The following WDR25 variants were observed in gnomAD, a reference collection of about 807,000 sequenced individuals.
WDR25 encodes the protein WD repeat domain 25.
In WDR25, 35 loss-of-function variants were observed where a neutral mutation model predicts 47.7. The observed-to-expected ratio is 0.73, with a 90% CI of 0.56 to 0.97. The LOEUF is 0.97. WDR25 is among the 50% of genes least tolerant of loss of function. The pLI is 0.00. For synonymous variants in WDR25, 248 were observed against 278.9 expected, an observed-to-expected ratio of 0.89 and a Z score of 1.10; for missense variants, 634 against 704.7, an observed-to-expected ratio of 0.90 and a Z score of 1.14.
chr14:100,510,671 G>C (rs1220049261), intron 4 of WDR25, among the ~76,000 whole-genome samples: 1 of 151,852 alleles, frequency 6.6e-6, no homozygotes, highest in Non-Finnish European at 1.5e-5. Context: ...GGGAGCCGGA[G>C]GTTGCAGTGA....
chr14:100,501,175 G>C (rs563341014), intron 4 of WDR25, among the ~76,000 whole-genome samples: 1 of 152,160 alleles, frequency 6.6e-6, no homozygotes, highest in South Asian at 2.1e-4. Flanking sequence ...CACTTCACCT[G>C]TCTGACCTCA....
At chr14:100,412,166 C>T (rs1365914222) in intron 2 of WDR25, among the ~76,000 whole-genome samples, 1 of 143,158 alleles carries the variant, frequency 7.0e-6, no homozygotes, top group Admixed American at 7.1e-5. Flanking sequence ...TTGATTTTGC[C>T]ATCGCACTCC....
chr14:100,522,843 C>A (rs1477593572), intron 4 of WDR25, among the ~76,000 whole-genome samples: 3 of 152,218 alleles, frequency 2.0e-5, no homozygotes, highest in Non-Finnish European at 4.4e-5. Flanking sequence ...CATCCAAGGG[C>A]CAGGAGAGGC....
chr14:100,433,951 C>G (rs905035342), intron 2 of WDR25, among the ~76,000 whole-genome samples: 4 of 151,890 alleles, frequency 2.6e-5, no homozygotes, highest in African/African-American at 7.3e-5. Context: ...TTTGGCCAGG[C>G]ATAGTGGCTC....
At position 100,376,579 on chromosome 14, in the gene WDR25, C is replaced by G. The variant is rs564144777; in HGVS notation, c.-16+84C>G. 65 of 1,231,862 alleles carry G rather than the reference C, an allele frequency of 5.3e-5. No homozygotes were observed. In the East Asian group the frequency reaches 1.9e-3, roughly 36 times the overall value. The allele number at this position is 1,231,862 out of a possible 1,614,324, so 76.3% of individuals were successfully genotyped here. On this transcript the variant is annotated intron_variant, in intron 1 of 6. Transcript: ENST00000402312. ...AGCGCCCCGTGCCGCTTAACGCGGT[C>G]TCTCATAGCCGCTCGCCTTCCTTTC...
intron 4 of WDR25, among the ~76,000 whole-genome samples, chr14:100,501,659 G>A (rs1900928320): frequency 6.6e-6 from 1 of 152,180 alleles, no homozygotes; most frequent in South Asian, 2.1e-4. Context: ...TGGGAACTTA[G>A]GAGCTGTCAC....
chr14:100,526,955 A>C, intron 5 of WDR25, among the ~76,000 whole-genome samples: 1 of 6 alleles, frequency 0.17, no homozygotes, highest in African/African-American at 0.5. Flanking sequence ...CATCTCTATC[A>C]CCACCACCAT....
chr14:100,508,522 A>C (rs909078010), intron 4 of WDR25, among the ~76,000 whole-genome samples: 1 of 152,210 alleles, frequency 6.6e-6, no homozygotes, highest in African/African-American at 2.4e-5. Flanking sequence ...TTCCTAGATT[A>C]CTTAGAAATT....
chr14:100,383,725 A>G (rs1234039906), intron 2 of WDR25, among the ~76,000 whole-genome samples: 1 of 152,258 alleles, frequency 6.6e-6, no homozygotes, highest in Non-Finnish European at 1.5e-5. Flanking sequence ...GCACCTGAGT[A>G]GAGGCATTGA....
intron 2 of WDR25, among the ~76,000 whole-genome samples, chr14:100,400,199 A>G: frequency 6.6e-6 from 1 of 152,344 alleles, no homozygotes; most frequent in East Asian, 1.9e-4. Flanking sequence ...GAGCTGGGGC[A>G]TGTGTGTCCT....
chr14:100,414,489 T>A (rs1160332336), intron 2 of WDR25, among the ~76,000 whole-genome samples: 1 of 151,418 alleles, frequency 6.6e-6, no homozygotes, highest in Non-Finnish European at 1.5e-5. Flanking sequence ...ATTTTTGTAT[T>A]TTTAGTAGAG....
chr14:100,414,313 CTTTTTTTT>C (rs1202018412), intron 2 of WDR25, among the ~76,000 whole-genome samples: 5 of 102,868 alleles, frequency 4.9e-5, no homozygotes, highest in African/African-American at 1.9e-4. Context: ...AGAGGTAGTT[CTTTTTTTT>C]TTTTTTTTTT....
intron 2 of WDR25, among the ~76,000 whole-genome samples, chr14:100,435,073 C>T (rs1171335397): frequency 6.6e-6 from 1 of 152,146 alleles, no homozygotes; most frequent in African/African-American, 2.4e-5. Context: ...CCCCACCAGG[C>T]GTTGTGTCTT....
chr14:100,432,244 A>T (rs531034896), intron 2 of WDR25, among the ~76,000 whole-genome samples: 1 of 152,370 alleles, frequency 6.6e-6, no homozygotes, highest in South Asian at 2.1e-4. Flanking sequence ...GAAAATAAAC[A>T]AAATGAAAGG....
chr14:100,382,056 C>G, intron 2 of WDR25: 1 of 702,914 alleles, frequency 1.4e-6, no homozygotes, highest in Non-Finnish European at 2.6e-6. Context: ...GGACCAAGCC[C>G]TGGGGACTGG....
intron 4 of WDR25, among the ~76,000 whole-genome samples, chr14:100,490,739 A>G (rs745687915): frequency 6.6e-6 from 1 of 151,760 alleles, no homozygotes; most frequent in Non-Finnish European, 1.5e-5. Context: ...TGAGATTTGC[A>G]CTCCTGTGAT....
At chr14:100,431,422 CCTT>C (rs1898330331) in intron 2 of WDR25, among the ~76,000 whole-genome samples, 1 of 152,154 alleles carries the variant, frequency 6.6e-6, no homozygotes, top group South Asian at 2.1e-4. Flanking sequence ...ATAAAAGCCT[CCTT>C]CTTTATATAT....
chr14:100,525,267 A>G lies in WDR25; in HGVS notation c.1102-603A>G, dbSNP rs1163215578. Among the ~76,000 whole-genome samples, 1 of 152,260 alleles carries G rather than the reference A, an allele frequency of 6.6e-6. No homozygotes were observed. Among genetic ancestry groups the G allele is most frequent in the Non-Finnish European group, 1.5e-5 (1 of 68,054 alleles). ...GCTGAATGTGATAAAATCCTCTAAG[A>G]AAGCAAAACAACTGCTCAATACTTA... On this transcript the variant is annotated intron_variant, in intron 4 of 6. Coordinates refer to ENST00000402312, the MANE Select transcript of WDR25 (RefSeq NM_001161476.3). The surrounding 1 kb of genome is among the most constrained non-coding windows in gnomAD (Gnocchi z 4.6).
Position 100,525,222 on chromosome 14 carries a change from C to G in WDR25, c.1102-648C>G, listed in dbSNP as rs1595088772. On this transcript the variant is annotated intron_variant, in intron 4 of 6. Coordinates refer to ENST00000402312, the MANE Select transcript of WDR25 (RefSeq NM_001161476.3). The surrounding 1 kb of genome is among the most constrained non-coding windows in gnomAD (Gnocchi z 4.6). ...ACCCTTCTCCATCCCCTCACCAGAG[C>G]TGGATACTTGAGAGCAGAAGCTGAA... Among the ~76,000 whole-genome samples, 1 of 152,220 alleles carries G rather than the reference C, an allele frequency of 6.6e-6. No individual in the cohort carries two copies. Among genetic ancestry groups the G allele is most frequent in the African/African-American group, 2.4e-5 (1 of 41,454 alleles).
Sources: allele counts gnomAD v4.1 joint callset (sites outside exome capture counted in the v4.1 genomes callset), GRCh38; gene constraint gnomAD v4.1.1; non-coding constraint Gnocchi (gnomAD v3.1); transcripts MANE v1.5; gene names NCBI Gene and HGNC (gene_info 2026-07-23, HGNC 2026-07-21).